Variants in SCRIB observed in about 807,000 individuals in gnomAD.
The protein encoded by SCRIB is protein scribble homolog.
In SCRIB, 72 loss-of-function variants were observed where a neutral mutation model predicts 170.0. The ratio of observed to expected loss-of-function variants is 0.42; its 90% CI spans 0.35 to 0.52. The LOEUF is 0.52. Among genes scored for constraint, SCRIB ranks in the 20% least tolerant of loss-of-function variants. The probability of loss-of-function intolerance (pLI) is 0.02; values close to 1 mark genes in which losing one functional copy is unlikely to be tolerated. For missense variants in SCRIB, 2,475 were observed against 2,338.5 expected (o/e 1.06, Z -1.20); for synonymous variants, 1,298 against 1,044.3 (o/e 1.24, Z -4.68).
At chr8:143,794,030 G>A (rs1554633600) in intron 27 of SCRIB, 68 bp from the exon 28 acceptor site, 2 of 1,488,612 alleles carry the variant, frequency 1.3e-6, no homozygotes, top group African/African-American at 1.4e-5. Context: ...GAGGGACTGG[G>A]GGCCCTGGGG....
rs781931515 is a variant in SCRIB, at chr8:143,806,488, G to A, written c.2269-4C>T. ...ACACCCGAGAGATGAATATGCCCTAGGGCACAGACACGAGCTTGGCAGGGG... is the reference window on the plus strand; with the variant it reads ...ACACCCGAGAGATGAATATGCCCTAAGGCACAGACACGAGCTTGGCAGGGG... On this transcript the variant is annotated splice_polypyrimidine_tract_variant and splice_region_variant and intron_variant, in intron 17 of 36. Transcript: ENST00000356994. 3.1e-6 allele frequency: 5 copies of A among 1,589,278 alleles called. No individual in the cohort carries two copies. The highest frequency in any genetic ancestry group is 1.3e-5 in the African/African-American group (1 of 74,420).
In SCRIB at chr8:143,804,050, G is replaced by C; in HGVS notation, c.3116C>G (p.Ser1039Cys). Residue 1039 changes from serine (S) to cysteine (C), a missense_variant, in exon 22 of 37, where the codon TCC becomes TGC. Transcript: ENST00000356994. ...FGVQEPGVFISKVLPRGLAAR... is the reference protein window; with the variant it reads ...FGVQEPGVFICKVLPRGLAAR... ...CGCCTGGATGGGCCGCCCTACCTTGGAGATGAACACACCAGGCTCCTGGAC... is the reference window on the plus strand; with the variant it reads ...CGCCTGGATGGGCCGCCCTACCTTGCAGATGAACACACCAGGCTCCTGGAC... The C allele has an allele frequency of 1.2e-6, 2 of 1,608,154 alleles. No individual in the cohort carries two copies. The highest frequency in any genetic ancestry group is 1.7e-6 in the Non-Finnish European group (2 of 1,176,290).
Position 143,813,868 on chromosome 8 carries a change from C to T in SCRIB, c.306G>A (p.Lys102=), listed in dbSNP as rs1815882804. 4 of 1,609,042 alleles carry T rather than the reference C, an allele frequency of 2.5e-6. No homozygotes were observed. Among genetic ancestry groups the T allele is most frequent in the African/African-American group, 2.7e-5 (2 of 74,898 alleles). The stretch of plus-strand genomic sequence containing the variant: ...CCGCGATCTCCAGAGCCTTGCAGAA[C>T]TTGATGCTCTCCGGGATCTCAGGGA... ...NDIPEIPESI[K]FCKALEIADF... The change falls in exon 3 of 37, where the codon AAG becomes AAA. Residue 102 remains lysine, a synonymous_variant. Transcript: ENST00000356994.
rs144293240 is a variant in SCRIB, at chr8:143,795,046, C to G, written c.3838G>C (p.Val1280Leu). ...ALAAVPSAGS[V>L]QRVPSGAAGG... ...GCACACTGGGCACTCACCCTCTGCA[C>G]GCTGCCAGCGCTGGGCACGGCGGCC... Residue 1280 changes from valine (V) to leucine (L), a missense_variant, in exon 27 of 37, where the codon GTG becomes CTG. Val to Leu is a conservative substitution (Grantham distance 32). Coordinates refer to ENST00000356994, the MANE Select transcript of SCRIB (RefSeq NM_182706.5). The G allele has an allele frequency of 3.1e-6, 5 of 1,610,446 alleles. No homozygotes were observed. The highest frequency in any genetic ancestry group is 4.2e-6 in the Non-Finnish European group (5 of 1,179,052).
rs540276201 is a variant in SCRIB at position 143,806,442 on chromosome 8, G to A, written c.2311C>T (p.Arg771Trp). 10 of 1,605,908 alleles carry A rather than the reference G, an allele frequency of 6.2e-6. No individual in the cohort carries two copies. The highest frequency in any genetic ancestry group is 5.3e-5 in the African/African-American group (4 of 74,858). Reference protein sequence around the residue: ...SRVSEEGPAARAGVRVGDKLL... With the variant: ...SRVSEEGPAAWAGVRVGDKLL... ...TTGTCACCCACACGGACTCCAGCCC[G>A]GGCCGCAGGGCCTTCCTCGGACACC... The change falls in exon 18 of 37, where the codon CGG (arginine) becomes TGG (tryptophan). Residue 771 changes from arginine to tryptophan, a missense_variant. By Grantham distance (101) the Arg-to-Trp change is moderately radical. Coordinates refer to ENST00000356994, the MANE Select transcript of SCRIB (RefSeq NM_182706.5).
chr8:143,812,447 G>A (rs1011896115), intron 8 of SCRIB, 63 bp from the exon 9 acceptor site: 110 of 1,254,996 alleles, frequency 8.8e-5, no homozygotes, highest in Non-Finnish European at 1.2e-4. Flanking sequence ...TTACCCACCT[G>A]GCCAGAAGCG....
chr8:143,791,667 T>C lies in SCRIB; in HGVS notation c.4769A>G (p.Gln1590Arg). The C allele has an allele frequency of 6.2e-7, 1 of 1,605,450 alleles. No individual in the cohort carries two copies. Among genetic ancestry groups the C allele is most frequent in the Non-Finnish European group, 8.5e-7 (1 of 1,173,920 alleles). The part of the protein sequence containing the change: ...LPSSRPVYDI[Q>R]SPDFAEELRS... Reference sequence around the variant, plus strand: ...TGCAGAGGCCTGGAGGCCAGGTACCTGGATGTCATAGACAGGTCTGGAAGA... The same window carrying C: ...TGCAGAGGCCTGGAGGCCAGGTACCCGGATGTCATAGACAGGTCTGGAAGA... Residue 1590 changes from glutamine (Q) to arginine (R), a missense_variant and splice_region_variant, in exon 35 of 37, where the codon CAG (glutamine) becomes CGG (arginine). By Grantham distance (43) the Gln-to-Arg change is conservative. Around this residue, in one of 3 missense-constraint regions of SCRIB, gnomAD observed 1,966 missense variants for 1,742.9 expected, o/e 1.13. Coordinates refer to ENST00000356994, the MANE Select transcript of SCRIB (RefSeq NM_182706.5).
chr8:143,803,992 T>G (rs1554635720), intron 22 of SCRIB, 52 bp from the exon 23 acceptor site: 1 of 1,575,238 alleles, frequency 6.3e-7, no homozygotes, highest in African/African-American at 1.3e-5. Flanking sequence ...TGACCTGCGC[T>G]GGTACCTGGG....
chr8:143,796,245 G>A (rs1342290039), intron 24 of SCRIB, among the ~76,000 whole-genome samples: 4 of 152,102 alleles, frequency 2.6e-5, no homozygotes, highest in African/African-American at 7.2e-5. Context: ...AGCCTGCGGC[G>A]GGCAACGGGA....
In SCRIB at chr8:143,813,469, C is replaced by T. The variant is rs753969093; in HGVS notation, c.503+1G>A. On this transcript the variant is annotated splice_donor_variant, in intron 5 of 36. Coordinates refer to ENST00000356994, the MANE Select transcript of SCRIB (RefSeq NM_182706.5). LOFTEE classifies it high-confidence loss of function. Reference sequence around the variant, plus strand: ...GTTAGGAGAATGCCTGTCACACTCACGCTGGCAGGGACTTGAGCAGGTTCT... The same window carrying T: ...GTTAGGAGAATGCCTGTCACACTCATGCTGGCAGGGACTTGAGCAGGTTCT... 1.2e-6 allele frequency: 2 copies of T among 1,613,132 alleles called. No individual in the cohort carries two copies. Among genetic ancestry groups the T allele is most frequent in the Non-Finnish European group, 1.7e-6 (2 of 1,180,004 alleles).
intron 11 of SCRIB, 39 bp from the exon 12 acceptor site, chr8:143,810,855 A>T (rs202129995): frequency 6.2e-7 from 1 of 1,606,794 alleles, no homozygotes; most frequent in East Asian, 2.2e-5. Flanking sequence ...CTAGTCCCCA[A>T]ACCCTGCCTG....
Position 143,810,389 on chromosome 8 carries a change from C to T in SCRIB, c.1530+90G>A, listed in dbSNP as rs1815651552. 9 of 1,536,252 alleles carry T rather than the reference C, an allele frequency of 5.9e-6. No individual in the cohort carries two copies. In the South Asian group the frequency reaches 8.3e-5, roughly 14 times the overall value. On this transcript the variant is annotated intron_variant, in intron 13 of 36. Transcript: ENST00000356994. ...TCTCCTGCTCCTTCTCTGTGCTGCC[C>T]TGGCCCTCACAGCCCCACTCCCAGG...
chr8:143,806,387 C>G lies in SCRIB; in HGVS notation c.2346+20G>C. The G allele has an allele frequency of 2.5e-6, 4 of 1,584,308 alleles. No individual in the cohort carries two copies. Among genetic ancestry groups the G allele is most frequent in the Non-Finnish European group, 3.4e-6 (4 of 1,162,392 alleles). ...CAGAGGGCACAGCTGCCACTCGGGG[C>G]GGAGAGGTTGCCGACTCACCTCCAG... On this transcript the variant is annotated intron_variant, in intron 18 of 36. Transcript: ENST00000356994.
At chr8:143,808,142 G>A (rs539074691) in intron 15 of SCRIB, among the ~76,000 whole-genome samples, 2 of 152,278 alleles carry the variant, frequency 1.3e-5, no homozygotes, top group South Asian at 2.1e-4. Context: ...AGTGATCTTG[G>A]GAGAGGAACA....
chr8:143,795,789 G>A (rs1467082540), intron 24 of SCRIB, among the ~76,000 whole-genome samples: 1 of 152,238 alleles, frequency 6.6e-6, no homozygotes, highest in Non-Finnish European at 1.5e-5. Context: ...CACTAGGCAA[G>A]ACTGTGAAGT....
In SCRIB at chr8:143,795,340, G is replaced by A. The variant is rs1032820143; in HGVS notation, c.3715-7C>T. On this transcript the variant is annotated splice_region_variant and splice_polypyrimidine_tract_variant and intron_variant, in intron 25 of 36. Transcript: ENST00000356994. ...GTCCAGGCAGCTCCTTCTCCTGTGAGCAGAGCAGAGCAGACCCGTCAGGCA... is the reference window on the plus strand; with the variant it reads ...GTCCAGGCAGCTCCTTCTCCTGTGAACAGAGCAGAGCAGACCCGTCAGGCA... 1 of 1,612,512 alleles carries A rather than the reference G, an allele frequency of 6.2e-7. No individual in the cohort carries two copies. Among genetic ancestry groups the A allele is most frequent in the Non-Finnish European group, 8.5e-7 (1 of 1,179,532 alleles).
chr8:143,813,188 C>A (rs961787114), intron 6 of SCRIB, 84 bp from the exon 7 acceptor site: 2 of 1,584,096 alleles, frequency 1.3e-6, no homozygotes, highest in Non-Finnish European at 1.7e-6. Flanking sequence ...GCCCCCACAC[C>A]CAGCTCCCAC....
chr8:143,799,517 C>A (rs1815083152), intron 24 of SCRIB, among the ~76,000 whole-genome samples: 1 of 152,144 alleles, frequency 6.6e-6, no homozygotes, highest in Admixed American at 6.5e-5. Flanking sequence ...CGTCCTCATG[C>A]CAAACACGCG....
chr8:143,792,127 C>G lies in SCRIB; in HGVS notation c.4521G>C (p.Lys1507Asn), dbSNP rs139044315. ...KRALWRAARM[K>N]SLEQDALRAQ... ...CTCGGAGAGCGTCCTGTTCCAATGA[C>G]TTCATCCTGCAGAGAACAGCGGGCA... Residue 1507 changes from lysine (K) to asparagine (N), a missense_variant, in exon 33 of 37, where the codon AAG becomes AAC. Lys to Asn is a moderately conservative substitution (Grantham distance 94). This residue lies in a region of SCRIB where 1,966 missense variants were observed against 1,742.9 expected (regional missense o/e 1.13). Transcript: ENST00000356994. 5 of 1,574,302 alleles carry G rather than the reference C, an allele frequency of 3.2e-6. No homozygotes were observed. Among genetic ancestry groups the G allele is most frequent in the Non-Finnish European group, 4.3e-6 (5 of 1,166,782 alleles).
Sources: allele counts gnomAD v4.1 joint callset (sites outside exome capture counted in the v4.1 genomes callset), GRCh38; gene constraint gnomAD v4.1.1; regional missense constraint gnomAD v4.1.1; transcripts MANE v1.5; gene names NCBI Gene and HGNC (gene_info 2026-07-23, HGNC 2026-07-21).